Variants in PARD3 observed in about 807,000 individuals in gnomAD.
PARD3 encodes the protein partitioning defective 3 homolog.
PARD3 carries 75 observed loss-of-function variants against 155.4 expected under a neutral mutation model. That is an observed-to-expected ratio of 0.48 (90% CI 0.40 to 0.58). The LOEUF (loss-of-function observed/expected upper bound fraction) is 0.58. PARD3 is among the 20% of genes least tolerant of loss of function. The pLI is 0.00. For synonymous variants in PARD3, 576 were observed against 610.5 expected, an observed-to-expected ratio of 0.94 and a Z score of 0.83; for missense variants, 1,642 against 1,721.7, an observed-to-expected ratio of 0.95 and a Z score of 0.82.
chr10:34,680,002 T>C (rs1320678928), intron 2 of PARD3, among the ~76,000 whole-genome samples: 1 of 152,092 alleles, frequency 6.6e-6, no homozygotes, highest in Non-Finnish European at 1.5e-5. Flanking sequence ...ATTTAGGTGA[T>C]GGATGCACTA....
intron 4 of PARD3, among the ~76,000 whole-genome samples, chr10:34,460,923 A>G (rs767194356): frequency 3.3e-5 from 5 of 152,254 alleles, no homozygotes; most frequent in Non-Finnish European, 7.3e-5. Flanking sequence ...TATAACATGT[A>G]ACATACCAAG....
At chr10:34,227,365 G>A (rs1952650837) in intron 22 of PARD3, among the ~76,000 whole-genome samples, 2 of 152,250 alleles carry the variant, frequency 1.3e-5, no homozygotes, top group Admixed American at 6.5e-5. Flanking sequence ...GCTGGGCGCT[G>A]TGGCTCACGC....
At chr10:34,453,883 T>A (rs972482698) in intron 4 of PARD3, among the ~76,000 whole-genome samples, 1 of 152,224 alleles carries the variant, frequency 6.6e-6, no homozygotes, top group African/African-American at 2.4e-5. Flanking sequence ...ACTTTTCCAC[T>A]GCACTTGAAG....
At chr10:34,344,266 G>A (rs868601375) in intron 15 of PARD3, 84 of 915,716 alleles carry the variant, frequency 9.2e-5, no homozygotes, top group Admixed American at 4.8e-4. Context: ...TTTTTTGTTT[G>A]TTTGTTTGTT....
At chr10:34,616,358 A>T (rs988946083) in intron 2 of PARD3, among the ~76,000 whole-genome samples, 2 of 152,134 alleles carry the variant, frequency 1.3e-5, no homozygotes, top group African/African-American at 4.8e-5. Flanking sequence ...ACAATCATAC[A>T]TCCAGCAACC....
chr10:34,503,104 T>C (rs2080827463), intron 3 of PARD3, among the ~76,000 whole-genome samples: 1 of 152,230 alleles, frequency 6.6e-6, no homozygotes, highest in African/African-American at 2.4e-5. Context: ...CATGTACTAC[T>C]TAGACAAACT....
chr10:34,626,512 T>A (rs2091987456), intron 2 of PARD3, among the ~76,000 whole-genome samples: 1 of 152,236 alleles, frequency 6.6e-6, no homozygotes, highest in Non-Finnish European at 1.5e-5. Flanking sequence ...ACAAACAATG[T>A]AATTGGACAT....
chr10:34,660,897 T>A (rs759369481), intron 2 of PARD3, among the ~76,000 whole-genome samples: 2 of 152,232 alleles, frequency 1.3e-5, no homozygotes, highest in Non-Finnish European at 1.5e-5. Flanking sequence ...TATAATTTTT[T>A]AAATTTTTTT....
At chr10:34,420,835 T>A (rs1846117198) in intron 5 of PARD3, among the ~76,000 whole-genome samples, 1 of 152,186 alleles carries the variant, frequency 6.6e-6, no homozygotes, top group African/African-American at 2.4e-5. Context: ...TATATGCATG[T>A]TAACATGTTC....
In PARD3 at chr10:34,314,204, A is replaced by C. The variant is rs561395012; in HGVS notation, c.3065+2903T>G. Among the ~76,000 whole-genome samples, 80 of 152,138 alleles carry C rather than the reference A, an allele frequency of 5.3e-4. No homozygotes were observed. In the East Asian group the frequency reaches 9.3e-3, roughly 18 times the overall value. ...CTATGTTGTTAGGAGAAAAAAAAAA[A>C]AGAAGGAAACGTAAAAGAATCAACC... is the stretch of plus-strand genomic sequence containing the variant. On this transcript the variant is annotated intron_variant, in intron 20 of 24. Transcript: ENST00000374788.
chr10:34,406,502 A>G (rs1292734759), intron 5 of PARD3, among the ~76,000 whole-genome samples: 2 of 152,164 alleles, frequency 1.3e-5, no homozygotes, highest in African/African-American at 4.8e-5. Context: ...CTCCATGAGA[A>G]AAAAAGAAAC....
intron 2 of PARD3, among the ~76,000 whole-genome samples, chr10:34,549,540 T>C (rs1356871674): frequency 6.6e-6 from 1 of 152,160 alleles, no homozygotes; most frequent in Non-Finnish European, 1.5e-5. Context: ...TTCTGCACTT[T>C]GTCAAAAGTT....
chr10:34,179,052 GAAGA>G (rs142369148), intron 22 of PARD3, among the ~76,000 whole-genome samples: 2,970 of 152,286 alleles, frequency 0.02, 101 homozygotes, highest in African/African-American at 0.068. Context: ...GGAAGGCAGA[GAAGA>G]AAGCAAGGGA....
intron 19 of PARD3, among the ~76,000 whole-genome samples, chr10:34,320,629 T>C (rs1166718262): frequency 2.0e-5 from 3 of 152,246 alleles, no homozygotes; most frequent in Admixed American, 1.3e-4. Flanking sequence ...CCAATTCTTT[T>C]CATATTCAAA....
intron 22 of PARD3, among the ~76,000 whole-genome samples, chr10:34,255,619 T>C (rs553028064): frequency 2.0e-5 from 3 of 152,356 alleles, no homozygotes; most frequent in African/African-American, 7.2e-5. Flanking sequence ...CAGATTTATC[T>C]GGAGGGAACT....
chr10:34,774,378 G>A (rs1839281757), intron 1 of PARD3, among the ~76,000 whole-genome samples: 1 of 152,242 alleles, frequency 6.6e-6, no homozygotes, highest in South Asian at 2.1e-4. Flanking sequence ...CACACAGTAA[G>A]CACATGTGGT....
At chr10:34,615,460 T>A (rs2091189127) in intron 2 of PARD3, among the ~76,000 whole-genome samples, 1 of 152,130 alleles carries the variant, frequency 6.6e-6, no homozygotes, top group Non-Finnish European at 1.5e-5. Flanking sequence ...AAAAATCATC[T>A]CTAATGGATT....
rs1346532999 is a variant in PARD3 at position 34,374,906 on chromosome 10, G to A, written c.1636C>T (p.Arg546Cys). The change falls in exon 11 of 25, where the codon CGC becomes TGC. Residue 546 changes from arginine to cysteine, a missense_variant. Around this residue, in one of 3 missense-constraint regions of PARD3, gnomAD observed 1,529 missense variants for 1,587.3 expected, o/e 0.96. Transcript: ENST00000374788. Reference protein sequence around the residue: ...MEGTVSLLVFRQEDAFHPREL... With the variant: ...MEGTVSLLVFCQEDAFHPREL... ...CTTGGGTGGAAGGCGTCTTCCTGGC[G>A]AAAGACCAGAAGGCTCACAGTTCCT... 3.1e-6 allele frequency: 5 copies of A among 1,613,914 alleles called. No individual in the cohort carries two copies. Among genetic ancestry groups the A allele is most frequent in the Admixed American group, 1.7e-5 (1 of 59,998 alleles).
At chr10:34,560,428 C>T (rs1243940805) in intron 2 of PARD3, among the ~76,000 whole-genome samples, 1 of 151,968 alleles carries the variant, frequency 6.6e-6, no homozygotes, top group Non-Finnish European at 1.5e-5. Flanking sequence ...TTGACGAGTT[C>T]AGGGGGTTGT....
Sources: gnomAD v4.1 joint callset for allele counts (sites outside exome capture counted in the v4.1 genomes callset) on GRCh38, gnomAD v4.1.1 for gene constraint, gnomAD v4.1.1 regional missense constraint, MANE v1.5 for transcripts, NCBI Gene and HGNC (gene_info 2026-07-23, HGNC 2026-07-21) for gene names.